Variants in TBC1D9 observed in about 807,000 individuals in gnomAD.
TBC1D9 encodes the protein TBC1 domain family member 9.
Under a neutral mutation model 132.0 loss-of-function variants are expected in TBC1D9, and 63 were observed. The ratio of observed to expected loss-of-function variants is 0.48; its 90% confidence interval spans 0.39 to 0.59. The LOEUF (loss-of-function observed/expected upper bound fraction) is 0.59. TBC1D9 is among the 20% of genes least tolerant of loss of function. TBC1D9 has a pLI of 0.00. For missense variants in TBC1D9, 1,261 were observed against 1,592.7 expected, an observed-to-expected ratio of 0.79 and a Z score of 3.54; for synonymous variants, 610 against 609.9, an observed-to-expected ratio of 1.00 and a Z score of 0.00.
chr4:140,727,894 T>C (rs774802046), intron 1 of TBC1D9, among the ~76,000 whole-genome samples: 2 of 152,204 alleles, frequency 1.3e-5, no homozygotes, highest in Non-Finnish European at 2.9e-5. Context: ...TGGCCTCTCT[T>C]TGCTATCTCT....
chr4:140,704,399 T>TCAAACAAA (rs10660967), intron 1 of TBC1D9, among the ~76,000 whole-genome samples: 111 of 133,518 alleles, frequency 8.3e-4, no homozygotes, highest in African/African-American at 2.4e-3. Flanking sequence ...AGACTCTGTC[T>TCAAACAAA]CAAACAAACA....
At chr4:140,751,227 A>C (rs1738918711) in intron 1 of TBC1D9, among the ~76,000 whole-genome samples, 1 of 152,196 alleles carries the variant, frequency 6.6e-6, no homozygotes. Flanking sequence ...TGTTGGTGCA[A>C]GAATATGCTA....
rs1417709539 is a variant in TBC1D9 at position 140,687,386 on chromosome 4, AT to A, written c.242-925del. Among the ~76,000 whole-genome samples, 9 of 70,620 alleles carry A rather than the reference AT, an allele frequency of 1.3e-4. 1 individual carries two copies. The highest frequency in any genetic ancestry group is 1.0e-3 in the Admixed American group (8 of 8,008). The allele number at this position is 70,620 out of a possible 152,430, so 46.3% of individuals were successfully genotyped here. A position where few individuals can be genotyped will look rare whatever the true frequency, so the allele number is the denominator to read the frequency against. On this transcript the variant is annotated intron_variant, in intron 2 of 20. Transcript: ENST00000442267. ...TATATATATATATATATATATATATATATATATATAAACATATAGTATGCAC... is the reference window on the plus strand; with the variant it reads ...TATATATATATATATATATATATATAATATATATAAACATATAGTATGCAC...
intron 14 of TBC1D9, 57 bp downstream of exon 14, chr4:140,639,273 C>T: frequency 6.7e-7 from 1 of 1,495,774 alleles, no homozygotes; most frequent in Non-Finnish European, 9.2e-7. Context: ...CCACAGCCAG[C>T]AGGAGTGTGA....
intron 9 of TBC1D9, among the ~76,000 whole-genome samples, chr4:140,667,001 T>G (rs1484424294): frequency 6.6e-6 from 1 of 152,214 alleles, no homozygotes; most frequent in African/African-American, 2.4e-5. Context: ...GCTTTTGCTC[T>G]GTTGATGTGG....
chr4:140,651,013 T>C (rs981062584), intron 13 of TBC1D9, among the ~76,000 whole-genome samples: 1 of 152,246 alleles, frequency 6.6e-6, no homozygotes, highest in Admixed American at 6.5e-5. Context: ...CCTCATCTTC[T>C]TCATCAGCAA....
chr4:140,709,219 A>ATCTCTCTCTC lies in TBC1D9; in HGVS notation c.131-7615_131-7606dup, dbSNP rs145661338. Among the ~76,000 whole-genome samples the ATCTCTCTCTC allele has an allele frequency of 9.1e-3, 805 of 88,100 alleles. 8 individuals are homozygous for ATCTCTCTCTC. The highest frequency in any genetic ancestry group is 0.014 in the Non-Finnish European group (625 of 43,310). The allele number at this position is 88,100 out of a possible 152,430, so 57.8% of individuals were successfully genotyped here. A position where few individuals can be genotyped will look rare whatever the true frequency, so the allele number is the denominator to read the frequency against. ...TACCTGTGGGGAAGGAACCAGCCTT[A>ATCTCTCTCTC]TCTCTCTCTCTCTCTCTCTCTCTCT... On this transcript the variant is annotated intron_variant, in intron 1 of 20. Transcript: ENST00000442267.
chr4:140,654,124 C>T (rs1338602703), intron 13 of TBC1D9, among the ~76,000 whole-genome samples: 1 of 152,250 alleles, frequency 6.6e-6, no homozygotes, highest in African/African-American at 2.4e-5. Context: ...TTTACTTCTG[C>T]ACAGAGGGGT....
intron 10 of TBC1D9, among the ~76,000 whole-genome samples, chr4:140,660,742 G>T (rs1310046523): frequency 1.3e-5 from 2 of 152,188 alleles, no homozygotes; most frequent in African/African-American, 4.8e-5. Flanking sequence ...AGGTTAACTA[G>T]TCTATGTGGG....
chr4:140,643,700 C>A, intron 13 of TBC1D9: 1 of 1,202,096 alleles, frequency 8.3e-7, no homozygotes, highest in East Asian at 2.5e-5. Flanking sequence ...CCCCCAGGTC[C>A]AATGCGGCCG....
chr4:140,729,760 CA>C (rs1170601206), intron 1 of TBC1D9, among the ~76,000 whole-genome samples: 2 of 116,700 alleles, frequency 1.7e-5, no homozygotes, highest in East Asian at 5.9e-4. Context: ...GCAGAGGTTG[CA>C]ATGAGCCGAG....
At chr4:140,682,216 C>T (rs1291729594) in intron 3 of TBC1D9, among the ~76,000 whole-genome samples, 1 of 152,134 alleles carries the variant, frequency 6.6e-6, no homozygotes, top group Non-Finnish European at 1.5e-5. Context: ...CTCTGTCATA[C>T]TGGAGGGCAT....
intron 13 of TBC1D9, among the ~76,000 whole-genome samples, chr4:140,655,931 A>G (rs1737260222): frequency 1.3e-5 from 2 of 152,144 alleles, no homozygotes; most frequent in Admixed American, 1.3e-4. Flanking sequence ...CCTACTCTCA[A>G]CAGCCCCTAC....
intron 13 of TBC1D9, chr4:140,644,444 C>A: frequency 3.4e-6 from 1 of 296,980 alleles, no homozygotes; most frequent in Non-Finnish European, 6.6e-6. Flanking sequence ...ACGCGCGGGG[C>A]GATGGCGGCG....
At chr4:140,666,055 A>G (rs191795177) in intron 9 of TBC1D9, among the ~76,000 whole-genome samples, 1 of 152,266 alleles carries the variant, frequency 6.6e-6, no homozygotes, top group Admixed American at 6.5e-5. Context: ...AACAACCTAA[A>G]TGTTTATCAA....
At chr4:140,679,961 T>A in intron 3 of TBC1D9, 118 bp from the exon 4 acceptor site, 1 of 756,136 alleles carries the variant, frequency 1.3e-6, no homozygotes, top group Non-Finnish European at 2.0e-6. Flanking sequence ...GGAATGCCCT[T>A]CAATGGCAAC....
At chr4:140,688,954 G>C (rs1737830618) in intron 2 of TBC1D9, among the ~76,000 whole-genome samples, 1 of 152,036 alleles carries the variant, frequency 6.6e-6, no homozygotes, top group Admixed American at 6.6e-5. Flanking sequence ...CACCAGCTGT[G>C]ACATGCGGCA....
At chr4:140,643,700 C>T in intron 13 of TBC1D9, 3 of 1,202,096 alleles carry the variant, frequency 2.5e-6, no homozygotes, top group Non-Finnish European at 3.4e-6. Flanking sequence ...CCCCCAGGTC[C>T]AATGCGGCCG....
chr4:140,653,484 G>A (rs1055558955), intron 13 of TBC1D9, among the ~76,000 whole-genome samples: 10 of 152,076 alleles, frequency 6.6e-5, no homozygotes, highest in Non-Finnish European at 1.0e-4. Context: ...TAAAATATAT[G>A]TACTCTTGGG....
Sources: allele counts gnomAD v4.1 joint callset (sites outside exome capture counted in the v4.1 genomes callset), GRCh38; gene constraint gnomAD v4.1.1; transcripts MANE v1.5; gene names NCBI Gene and HGNC (gene_info 2026-07-23, HGNC 2026-07-21).